Variants in PSMA1 observed in about 807,000 individuals in gnomAD.
PSMA1 encodes the protein proteasome 20S subunit alpha 1.
A neutral mutation model predicts 38.4 loss-of-function variants in PSMA1; 3 were observed. The observed-to-expected ratio is 0.08, with a 90% confidence interval of 0.04 to 0.20. PSMA1 has a LOEUF of 0.20. Among genes scored for constraint, PSMA1 ranks in the 10% least tolerant of loss-of-function variants. The pLI is 1.00. For missense variants in PSMA1, 227 were observed against 325.3 expected (o/e 0.70, Z 2.32); for synonymous variants, 101 against 107.1 (o/e 0.94, Z 0.35).
At chr11:14,513,278 C>T (rs567466938) in intron 7 of PSMA1, among the ~76,000 whole-genome samples, 7 of 152,196 alleles carry the variant, frequency 4.6e-5, no homozygotes, top group Admixed American at 3.3e-4. Flanking sequence ...AGTGGTTCTC[C>T]ACTCTCCACT....
intron 2 of PSMA1, among the ~76,000 whole-genome samples, chr11:14,530,901 C>A (rs902441141): frequency 4.6e-3 from 497 of 107,648 alleles, no homozygotes; most frequent in Middle Eastern, 5.3e-3. Context: ...GACTCCGTCT[C>A]AAAAAAAAAA....
chr11:14,616,964 T>A (rs992400274), intron 1 of PSMA1, among the ~76,000 whole-genome samples: 1 of 152,182 alleles, frequency 6.6e-6, no homozygotes, highest in Non-Finnish European at 1.5e-5. Context: ...CAAAAGGGAT[T>A]CCTAATAGTG....
At chr11:14,633,330 TTC>T (rs1440430449) in intron 1 of PSMA1, among the ~76,000 whole-genome samples, 4 of 152,198 alleles carry the variant, frequency 2.6e-5, no homozygotes, top group Non-Finnish European at 4.4e-5. Flanking sequence ...TGGATGTCCT[TTC>T]TGTTTGTTAG....
intron 2 of PSMA1, among the ~76,000 whole-genome samples, chr11:14,535,840 G>C (rs1851700783): frequency 6.6e-6 from 1 of 152,094 alleles, no homozygotes. Context: ...TGGAGAATTA[G>C]TGTTGTTTTT....
chr11:14,550,487 C>T (rs1006379907), intron 2 of PSMA1, among the ~76,000 whole-genome samples: 8 of 152,060 alleles, frequency 5.3e-5, no homozygotes, highest in Non-Finnish European at 7.3e-5. Context: ...ACTCATAAAG[C>T]CAGTTGCCTG....
chr11:14,574,436 A>G (rs1852187891), intron 2 of PSMA1, among the ~76,000 whole-genome samples: 1 of 152,210 alleles, frequency 6.6e-6, no homozygotes, highest in Non-Finnish European at 1.5e-5. Context: ...TTAAGCCTGC[A>G]GGTGCACATA....
At chr11:14,609,571 T>C (rs1294460781) in intron 2 of PSMA1, among the ~76,000 whole-genome samples, 1 of 152,152 alleles carries the variant, frequency 6.6e-6, no homozygotes, top group Non-Finnish European at 1.5e-5. Context: ...GGGAGACTAT[T>C]TTGAATAAAA....
rs1172162596 is a variant in PSMA1, at chr11:14,638,568, TATATATATATATATATA to T, written c.-166+4870_-166+4886del. ...CTCTATATATATATATATATATATATATATATATATATATATATTTTTTTTTTTTTTTTTTTTTTTTT... is the reference window on the plus strand; with the variant it reads ...CTCTATATATATATATATATATATATTTTTTTTTTTTTTTTTTTTTTTTTT... On this transcript the variant is annotated intron_variant, in intron 1 of 10. Coordinates refer to the PSMA1 transcript ENST00000418988. Among the ~76,000 whole-genome samples the T allele has an allele frequency of 5.6e-3, 139 of 24,714 alleles. 4 individuals carry two copies. The highest frequency in any genetic ancestry group is 9.4e-3 in the Middle Eastern group (1 of 106). 16.2% of individuals were successfully genotyped at this position (24,714 alleles called of 152,430 possible).
intron 1 of PSMA1, among the ~76,000 whole-genome samples, chr11:14,611,302 C>T (rs192981965): frequency 5.9e-5 from 9 of 152,200 alleles, no homozygotes; most frequent in African/African-American, 2.2e-4. Flanking sequence ...TGGATGTTCC[C>T]CACGTGGAGG....
At chr11:14,546,281 A>G (rs1033923562) in intron 2 of PSMA1, among the ~76,000 whole-genome samples, 2 of 152,060 alleles carry the variant, frequency 1.3e-5, no homozygotes, top group Middle Eastern at 3.4e-3. Context: ...AGAAAAGAGG[A>G]TTTTGATTGT....
intron 2 of PSMA1, among the ~76,000 whole-genome samples, chr11:14,606,983 C>T (rs140075502): frequency 5.5e-4 from 84 of 152,204 alleles, no homozygotes; most frequent in African/African-American, 1.9e-3. Context: ...GGAGCCTGCC[C>T]CTGTAAAATA....
At chr11:14,552,957 G>C (rs1209257300) in intron 2 of PSMA1, among the ~76,000 whole-genome samples, 1 of 150,636 alleles carries the variant, frequency 6.6e-6, no homozygotes, top group African/African-American at 2.4e-5. Flanking sequence ...CTCCCTATTA[G>C]CTGGGACTAA....
At chr11:14,629,134 G>A (rs1409442065) in intron 1 of PSMA1, among the ~76,000 whole-genome samples, 2 of 152,032 alleles carry the variant, frequency 1.3e-5, no homozygotes, top group African/African-American at 4.8e-5. Flanking sequence ...TCACTCTGAT[G>A]GTAGTTTCTT....
chr11:14,627,803 C>A (rs768824903), intron 1 of PSMA1, among the ~76,000 whole-genome samples: 7 of 152,142 alleles, frequency 4.6e-5, no homozygotes, highest in Non-Finnish European at 2.9e-5. Flanking sequence ...CATTTTTATG[C>A]CTTTTTTCTT....
chr11:14,508,328 C>G (rs6486197), intron 8 of PSMA1, among the ~76,000 whole-genome samples: 100,744 of 151,702 alleles, frequency 0.66, 33,666 homozygotes, highest in African/African-American at 0.7. Context: ...CTTTCCTGTA[C>G]CTATGTCCCT....
At chr11:14,580,209 G>A (rs1308986710) in intron 2 of PSMA1, among the ~76,000 whole-genome samples, 3 of 152,184 alleles carry the variant, frequency 2.0e-5, no homozygotes, top group Non-Finnish European at 4.4e-5. Flanking sequence ...GATTTCACAA[G>A]CTGGCTTCTA....
chr11:14,613,191 T>C (rs1456124419), intron 1 of PSMA1, among the ~76,000 whole-genome samples: 1 of 151,518 alleles, frequency 6.6e-6, no homozygotes, highest in East Asian at 1.9e-4. Flanking sequence ...AGTCACATAT[T>C]GGTCATGTAT....
intron 4 of PSMA1, among the ~76,000 whole-genome samples, chr11:14,517,079 T>C (rs541807616): frequency 5.9e-5 from 9 of 152,344 alleles, no homozygotes; most frequent in African/African-American, 1.7e-4. Context: ...CATTTATGTA[T>C]TGCCTTTTAA....
chr11:14,547,488 A>G (rs1427900887), intron 2 of PSMA1, among the ~76,000 whole-genome samples: 1 of 152,250 alleles, frequency 6.6e-6, no homozygotes, highest in Admixed American at 6.5e-5. Flanking sequence ...TGGTCATTAT[A>G]GTTATAGATT....
Sources: gnomAD v4.1 joint callset for allele counts (sites outside exome capture counted in the v4.1 genomes callset) on GRCh38, gnomAD v4.1.1 for gene constraint, MANE v1.5 for transcripts, NCBI Gene and HGNC (gene_info 2026-07-23, HGNC 2026-07-21) for gene names.